The following ACTL6B variants were observed in gnomAD, a reference collection of about 807,000 sequenced individuals.
ACTL6B encodes actin like 6B.
Under a neutral mutation model 63.3 loss-of-function variants are expected in ACTL6B, and 48 were observed. The observed-to-expected ratio is 0.76, with a 90% confidence interval of 0.60 to 0.96. ACTL6B has a LOEUF of 0.96. ACTL6B is among the 50% of genes least tolerant of loss of function. The probability of loss-of-function intolerance (pLI) is 0.00; values close to 1 mark genes in which losing one functional copy is unlikely to be tolerated. For synonymous variants in ACTL6B, 230 were observed against 223.8 expected, an observed-to-expected ratio of 1.03 and a Z score of -0.25; for missense variants, 350 against 572.2, an observed-to-expected ratio of 0.61 and a Z score of 3.96.
intron 4 of ACTL6B, among the ~76,000 whole-genome samples, chr7:100,650,696 A>T (rs1016620137): frequency 6.6e-6 from 1 of 152,086 alleles, no homozygotes; most frequent in African/African-American, 2.4e-5. Flanking sequence ...TAAAGTAAGG[A>T]GCTTGTGGGA....
In ACTL6B at chr7:100,655,552, G is replaced by T; in HGVS notation, c.137C>A (p.Ala46Glu). The change falls in exon 3 of 14, where the codon GCG (alanine) becomes GAG (glutamate). Residue 46 changes from alanine (A) to glutamate (E), a missense_variant. Around this residue, in one of 3 missense-constraint regions of ACTL6B, gnomAD observed 250 missense variants for 364.7 expected, o/e 0.69. Coordinates refer to ENST00000160382, the MANE Select transcript of ACTL6B (RefSeq NM_016188.5). The surrounding 1 kb of genome is among the most constrained non-coding windows in gnomAD (Gnocchi z 4.4). ...DFPTTVGLLA[A>E]EEGGGLELEG... is the part of the protein sequence containing the mutation. ...CAGCTCCAGCCCGCCCCCCTCCTCC[G>T]CGGCCAGCAGCCCCACTGTGGTGGG... The T allele has an allele frequency of 6.2e-7, 1 of 1,613,640 alleles. No homozygotes were observed. The highest frequency in any genetic ancestry group is 8.5e-7 in the Non-Finnish European group (1 of 1,179,750).
At chr7:100,643,757 C>T (rs1803767056) in intron 13 of ACTL6B, among the ~76,000 whole-genome samples, 1 of 152,148 alleles carries the variant, frequency 6.6e-6, no homozygotes, top group Non-Finnish European at 1.5e-5. Flanking sequence ...GGAAGATATT[C>T]CCTCCACCTC....
intron 4 of ACTL6B, among the ~76,000 whole-genome samples, chr7:100,651,557 A>C (rs1803940926): frequency 6.6e-6 from 1 of 151,880 alleles, no homozygotes. Flanking sequence ...TCTCAAAAAA[A>C]AAAAAAAGTT....
rs778274293 is a variant in ACTL6B at position 100,646,607 on chromosome 7, G to A, written c.1057C>T (p.Leu353=). The change falls in exon 12 of 14, where the codon CTG becomes TTG. Residue 353 remains leucine (L), a synonymous_variant. Coordinates refer to ENST00000160382, the MANE Select transcript of ACTL6B (RefSeq NM_016188.5). The surrounding 1 kb of genome is among the most constrained non-coding windows in gnomAD (Gnocchi z 6.1). ...AGCCTGTCAGTGAAGCCCTGCAGCA[G>A]TGTGTTCCCGCCGGTGACAATGACA... ...GSVIVTGGNT[L]LQGFTDRLNR... 1 of 1,614,022 alleles carries A rather than the reference G, an allele frequency of 6.2e-7. No homozygotes were observed. Among genetic ancestry groups the A allele is most frequent in the South Asian group, 1.1e-5 (1 of 91,090 alleles).
chr7:100,648,875 G>A lies in ACTL6B; in HGVS notation c.468-52C>T. The A allele has an allele frequency of 6.4e-7, 1 of 1,554,750 alleles. No homozygotes were observed. The highest frequency in any genetic ancestry group is 8.7e-7 in the Non-Finnish European group (1 of 1,145,642). On this transcript the variant is annotated intron_variant, in intron 5 of 13. Transcript: ENST00000160382. The surrounding 1 kb of genome is among the most constrained non-coding windows in gnomAD (Gnocchi z 4.4). ...GACAGCAGCAGCAAGTGAGGGGCCT[G>A]GGCCCAGATCTTGTCTGGTCACTCT...
At chr7:100,643,597 T>C (rs1803763639) in intron 13 of ACTL6B, among the ~76,000 whole-genome samples, 1 of 152,226 alleles carries the variant, frequency 6.6e-6, no homozygotes, top group African/African-American at 2.4e-5. Context: ...GCCCTGTTCC[T>C]GAGCTGGGGG....
At position 100,655,532 on chromosome 7, in the gene ACTL6B, CCAGCCCGCCCCCCTCCTCCG is replaced by C. The variant is rs764100801; in HGVS notation, c.137_156del (p.Ala46GlyfsTer59). On this transcript the variant is annotated frameshift_variant, in exon 3 of 14. Coordinates refer to ENST00000160382, the MANE Select transcript of ACTL6B (RefSeq NM_016188.5). LOFTEE classifies it high-confidence loss of function. This position sits in a 1 kb window ranked among gnomAD's most constrained non-coding sequence, Gnocchi z 4.4. The stretch of plus-strand genomic sequence containing the variant: ...TTCTTCTCTTTGTCCCCCTCCAGCT[CCAGCCCGCCCCCCTCCTCCG>C]CGGCCAGCAGCCCCACTGTGGTGGG... 22 of 1,613,970 alleles carry C rather than the reference CCAGCCCGCCCCCCTCCTCCG, an allele frequency of 1.4e-5. No homozygotes were observed. The highest frequency in any genetic ancestry group is 1.9e-5 in the Non-Finnish European group (22 of 1,180,000).
At position 100,648,835 on chromosome 7, in the gene ACTL6B, TG is replaced by T; in HGVS notation, c.468-13del. The T allele has an allele frequency of 6.2e-7, 1 of 1,611,952 alleles. No individual in the cohort carries two copies. Among genetic ancestry groups the T allele is most frequent in the East Asian group, 2.2e-5 (1 of 44,808 alleles). On this transcript the variant is annotated splice_polypyrimidine_tract_variant and intron_variant, in intron 5 of 13. Transcript: ENST00000160382. The surrounding 1 kb of genome is among the most constrained non-coding windows in gnomAD (Gnocchi z 4.4). ...GCCCGTTTGCAAAGCTGGCATCGGA[TG>T]GGTAAGTCAAAGAGACAGCAGCAGC... is the stretch of plus-strand genomic sequence containing the variant.
Position 100,656,316 on chromosome 7 carries a change from C to G in ACTL6B, c.25+14G>C, listed in dbSNP as rs1377443170. On this transcript the variant is annotated intron_variant, in intron 1 of 13. Transcript: ENST00000160382. The stretch of plus-strand genomic sequence containing the variant: ...CGCAGGGCTGCGGGAGCCGGGGGCC[C>G]GAGGCTCGCTCACCTCCGCCGTAGA... The G allele has an allele frequency of 1.6e-5, 22 of 1,382,558 alleles. No homozygotes were observed. The highest frequency in any genetic ancestry group is 3.0e-5 in the East Asian group (1 of 33,186). 85.6% of individuals were successfully genotyped at this position (1,382,558 alleles called of 1,614,324 possible). A position where few individuals can be genotyped will look rare whatever the true frequency, so the allele number is the denominator to read the frequency against.
chr7:100,655,360 A>C lies in ACTL6B; in HGVS notation c.268+61T>G. 1 of 1,562,082 alleles carries C rather than the reference A, an allele frequency of 6.4e-7. No homozygotes were observed. On this transcript the variant is annotated intron_variant, in intron 3 of 13. Coordinates refer to ENST00000160382, the MANE Select transcript of ACTL6B (RefSeq NM_016188.5). The surrounding 1 kb of genome is among the most constrained non-coding windows in gnomAD (Gnocchi z 4.4). ...TCCGCGGGGAGTGGGGGCTGCTATG[A>C]CCCAGATTGTGGGGAGCGGGCTCCT...
At chr7:100,653,838 G>A (rs1305165580) in intron 4 of ACTL6B, among the ~76,000 whole-genome samples, 2 of 152,170 alleles carry the variant, frequency 1.3e-5, no homozygotes, top group Admixed American at 1.3e-4. Context: ...ACACTCCACA[G>A]GCAGCAATTT....
At chr7:100,654,940 G>A in intron 4 of ACTL6B, 79 bp downstream of exon 4, 2 of 1,214,950 alleles carry the variant, frequency 1.6e-6, no homozygotes, top group Non-Finnish European at 1.2e-6. Flanking sequence ...TGGCTTGAGG[G>A]GAGAGGAGGA....
At chr7:100,653,518 C>T (rs4729601) in intron 4 of ACTL6B, among the ~76,000 whole-genome samples, 25,916 of 151,930 alleles carry the variant, frequency 0.17, 2,426 homozygotes, top group Non-Finnish European at 0.21. Flanking sequence ...GGCATGGTGG[C>T]TTATGCCTGT....
At chr7:100,652,424 A>C (rs1803957306) in intron 4 of ACTL6B, among the ~76,000 whole-genome samples, 2 of 147,546 alleles carry the variant, frequency 1.4e-5, no homozygotes, top group African/African-American at 5.0e-5. Flanking sequence ...TCCATCTCAA[A>C]AAAAAAAAAA....
chr7:100,645,190 G>A (rs1438202639), intron 13 of ACTL6B, among the ~76,000 whole-genome samples: 1 of 152,058 alleles, frequency 6.6e-6, no homozygotes, highest in Non-Finnish European at 1.5e-5. Context: ...TTCCTTTCTC[G>A]TGGATGTCCT....
At position 100,650,150 on chromosome 7, in the gene ACTL6B, C is replaced by A. The variant is rs1803909936; in HGVS notation, c.370-15G>T. On this transcript the variant is annotated splice_polypyrimidine_tract_variant and intron_variant, in intron 4 of 13. Transcript: ENST00000160382. ...CGTGTGTTCCACTGTGGAGAAAGTG[C>A]AGAGGGGGAGGATTCAGGAAGGGAG... is the stretch of plus-strand genomic sequence containing the variant. 6.2e-7 allele frequency: 1 copy of A among 1,612,458 alleles called. No homozygotes were observed. The highest frequency in any genetic ancestry group is 1.3e-5 in the African/African-American group (1 of 74,884).
chr7:100,645,924 G>A (rs1212582318), intron 13 of ACTL6B, among the ~76,000 whole-genome samples: 1 of 152,182 alleles, frequency 6.6e-6, no homozygotes, highest in Non-Finnish European at 1.5e-5. Context: ...GAGCCACTGT[G>A]CGCAGCCTCT....
chr7:100,650,037 C>T lies in ACTL6B; in HGVS notation c.467+1G>A, dbSNP rs1010036956. Reference sequence around the variant, plus strand: ...TCAGAGCAGCTCAGTCCAGAGGATACGCGGTGAGCACAGCCGTCTTGCATA... The same window carrying T: ...TCAGAGCAGCTCAGTCCAGAGGATATGCGGTGAGCACAGCCGTCTTGCATA... On this transcript the variant is annotated splice_donor_variant, in intron 5 of 13. Transcript: ENST00000160382. LOFTEE classifies it high-confidence loss of function. 5.0e-6 allele frequency: 8 copies of T among 1,612,958 alleles called. No homozygotes were observed. Among genetic ancestry groups the T allele is most frequent in the African/African-American group, 2.7e-5 (2 of 74,906 alleles).
Position 100,647,700 on chromosome 7 carries a change from G to T in ACTL6B, c.670-167C>A, listed in dbSNP as rs1803850887. The stretch of plus-strand genomic sequence containing the variant: ...CCTGATGGAGAGGAGAGAGAATGGG[G>T]CATGCCTCTCTCTCCATGTGTGCCT... On this transcript the variant is annotated intron_variant, in intron 7 of 13. Transcript: ENST00000160382. This position sits in a 1 kb window ranked among gnomAD's most constrained non-coding sequence, Gnocchi z 4.4. 4 of 584,942 alleles carry T rather than the reference G, an allele frequency of 6.8e-6. No individual in the cohort carries two copies. The highest frequency in any genetic ancestry group is 1.2e-5 in the Non-Finnish European group (4 of 330,396). The allele number at this position is 584,942 out of a possible 1,614,324, so 36.2% of individuals were successfully genotyped here. A position where few individuals can be genotyped will look rare whatever the true frequency, so the allele number is the denominator to read the frequency against.
Sources: gnomAD v4.1 joint callset for allele counts (sites outside exome capture counted in the v4.1 genomes callset) on GRCh38, gnomAD v4.1.1 for gene constraint, gnomAD v4.1.1 regional missense constraint, Gnocchi (gnomAD v3.1) non-coding constraint, MANE v1.5 for transcripts, NCBI Gene and HGNC (gene_info 2026-07-23, HGNC 2026-07-21) for gene names.